SWT1: variants seen among roughly 807,000 people sequenced by gnomAD.
The protein encoded by SWT1 is SWT1 RNA endoribonuclease homolog, also known as transcriptional protein SWT1.
A neutral mutation model predicts 107.3 loss-of-function variants in SWT1; 33 were observed. That is an observed-to-expected ratio of 0.31 (90% confidence interval 0.23 to 0.41). SWT1 has a LOEUF of 0.41. SWT1 is among the 10% of genes least tolerant of loss of function. The pLI is 1.00. For missense variants in SWT1, 898 were observed against 1,028.9 expected, an observed-to-expected ratio of 0.87 and a Z score of 1.74; for synonymous variants, 345 against 348.3, an observed-to-expected ratio of 0.99 and a Z score of 0.11.
At chr1:185,243,290 T>C (rs189758516) in intron 16 of SWT1, among the ~76,000 whole-genome samples, 4 of 152,240 alleles carry the variant, frequency 2.6e-5, no homozygotes, top group Admixed American at 2.6e-4. Flanking sequence ...TTGTACTTTT[T>C]GTAGGGACAG....
At chr1:185,183,764 A>G (rs1656222945) in intron 7 of SWT1, among the ~76,000 whole-genome samples, 1 of 152,224 alleles carries the variant, frequency 6.6e-6, no homozygotes, top group Non-Finnish European at 1.5e-5. Flanking sequence ...ATAGTATTCT[A>G]CTGGTGGGTG....
In SWT1 at chr1:185,239,505, A is replaced by G. The variant is rs78610488; in HGVS notation, c.2441+7797A>G. On this transcript the variant is annotated intron_variant, in intron 16 of 18. Transcript: ENST00000367500. Reference sequence around the variant, plus strand: ...CTAATTTTGCAAAGTTAGAAAAGGGATGAGGATCTTGCAAATTCCTATATT... The same window carrying G: ...CTAATTTTGCAAAGTTAGAAAAGGGGTGAGGATCTTGCAAATTCCTATATT... 5.6e-3 allele frequency among the ~76,000 whole-genome samples: 850 copies of G among 152,192 alleles called. 34 individuals are homozygous for G. In the East Asian group the frequency reaches 0.094, roughly 17 times the overall value.
At chr1:185,163,554 C>T (rs1466118829) in intron 2 of SWT1, among the ~76,000 whole-genome samples, 1 of 152,028 alleles carries the variant, frequency 6.6e-6, no homozygotes, top group African/African-American at 2.4e-5. Flanking sequence ...CCACCATGCC[C>T]AGCTAATTTT....
intron 15 of SWT1, chr1:185,226,759 A>C (rs1222407252): frequency 1.4e-5 from 9 of 662,994 alleles, no homozygotes; most frequent in Non-Finnish European, 2.1e-5. Context: ...GCTGTCCATA[A>C]GTTTATTGTC....
Position 185,182,266 on chromosome 1 carries a change from G to C in SWT1, c.1138+209G>C, listed in dbSNP as rs115660130. ...CATATTTCATATTATTGGATAGTTA[G>C]ATATTTTTCTCTTTTTCTGTCAAGA... On this transcript the variant is annotated intron_variant, in intron 7 of 18. Transcript: ENST00000367500. Among the ~76,000 whole-genome samples the C allele has an allele frequency of 2.0e-3, 310 of 152,254 alleles. 3 individuals carry two copies. Among genetic ancestry groups the C allele is most frequent in the African/African-American group, 7.1e-3 (297 of 41,540 alleles).
Position 185,182,019 on chromosome 1 carries a change from T to C in SWT1, c.1100T>C (p.Met367Thr), listed in dbSNP as rs1207054039. ...SVDLPGELMS[M>T]EIDLEDDVHS... ...GATTTACCTGGAGAGTTAATGAGTA[T>C]GGAAATTGACTTAGAAGATGATGTA... The change falls in exon 7 of 19, where the codon ATG (methionine) becomes ACG (threonine). Residue 367 changes from methionine to threonine, a missense_variant. Met to Thr is a moderately conservative substitution (Grantham distance 81). Transcript: ENST00000367500. 2 of 1,613,706 alleles carry C rather than the reference T, an allele frequency of 1.2e-6. No individual in the cohort carries two copies. The highest frequency in any genetic ancestry group is 2.2e-5 in the East Asian group (1 of 44,820).
intron 9 of SWT1, among the ~76,000 whole-genome samples, chr1:185,187,103 A>C (rs1453617522): frequency 7.6e-6 from 1 of 131,924 alleles, no homozygotes; most frequent in East Asian, 2.3e-4. Flanking sequence ...CCCAGGCTGG[A>C]GTGCAATGGT....
Position 185,181,937 on chromosome 1 carries a change from A to G in SWT1, c.1027-9A>G. 6.2e-7 allele frequency: 1 copy of G among 1,613,510 alleles called. No individual in the cohort carries two copies. Among genetic ancestry groups the G allele is most frequent in the Non-Finnish European group, 8.5e-7 (1 of 1,179,776 alleles). On this transcript the variant is annotated splice_polypyrimidine_tract_variant and intron_variant, in intron 6 of 18. Coordinates refer to ENST00000367500, the MANE Select transcript of SWT1 (RefSeq NM_017673.7). Reference sequence around the variant, plus strand: ...TCAAAATATTTCACTGGGGTCTTTTACACTTTAGATGCAGATAGTAGAAGA... The same window carrying G: ...TCAAAATATTTCACTGGGGTCTTTTGCACTTTAGATGCAGATAGTAGAAGA...
chr1:185,192,192 C>T (rs1029539341), intron 10 of SWT1, among the ~76,000 whole-genome samples: 3 of 152,148 alleles, frequency 2.0e-5, no homozygotes, highest in African/African-American at 7.2e-5. Context: ...TTAATATCTC[C>T]AATCCATATT....
intron 15 of SWT1, among the ~76,000 whole-genome samples, chr1:185,224,283 C>G (rs976364068): frequency 6.6e-6 from 1 of 152,038 alleles, no homozygotes; most frequent in Non-Finnish European, 1.5e-5. Flanking sequence ...TATTCTGTTC[C>G]GTTGGTTTAT....
At chr1:185,282,304 C>G (rs758625969) in intron 18 of SWT1, among the ~76,000 whole-genome samples, 6 of 151,976 alleles carry the variant, frequency 3.9e-5, no homozygotes, top group Non-Finnish European at 7.4e-5. Flanking sequence ...ACGTGTAGTT[C>G]TGGCATTCTT....
intron 16 of SWT1, among the ~76,000 whole-genome samples, chr1:185,248,161 G>A (rs1033435090): frequency 4.6e-5 from 7 of 152,260 alleles, no homozygotes; most frequent in South Asian, 2.1e-4. Context: ...TGTATTTCCC[G>A]TATAGAAAGA....
chr1:185,184,235 TTC>T lies in SWT1; in HGVS notation c.1139-6_1139-5del. On this transcript the variant is annotated splice_region_variant and splice_polypyrimidine_tract_variant and intron_variant, in intron 7 of 18. Transcript: ENST00000367500. Reference sequence around the variant, plus strand: ...AAGTGTCATGAAATATTTGCTCTTTTTCTTTAGCAAATAATACTTCAGACAGA... The same window carrying T: ...AAGTGTCATGAAATATTTGCTCTTTTTTTAGCAAATAATACTTCAGACAGA... 1 of 1,418,536 alleles carries T rather than the reference TTC, an allele frequency of 7.0e-7. No homozygotes were observed. The highest frequency in any genetic ancestry group is 9.7e-7 in the Non-Finnish European group (1 of 1,026,580). The allele number at this position is 1,418,536 out of a possible 1,614,324, so 87.9% of individuals were successfully genotyped here.
intron 14 of SWT1, among the ~76,000 whole-genome samples, chr1:185,219,765 C>T (rs1411655983): frequency 6.6e-6 from 1 of 151,900 alleles, no homozygotes; most frequent in African/African-American, 2.4e-5. Context: ...AGATCTTTTC[C>T]ATTCTTAAAT....
In SWT1 at chr1:185,184,738, T is replaced by G; in HGVS notation, c.1241-5T>G. 7 of 1,599,606 alleles carry G rather than the reference T, an allele frequency of 4.4e-6. No individual in the cohort carries two copies. Among genetic ancestry groups the G allele is most frequent in the South Asian group, 2.3e-5 (2 of 88,660 alleles). On this transcript the variant is annotated splice_polypyrimidine_tract_variant and splice_region_variant and intron_variant, in intron 8 of 18. Transcript: ENST00000367500. The stretch of plus-strand genomic sequence containing the variant: ...TAAATTCTAAGAAATCTTTTTATTT[T>G]TTAGGTTTTGACAAACTTGTGTTAA...
chr1:185,249,951 T>C (rs1170607166), intron 16 of SWT1, among the ~76,000 whole-genome samples: 1 of 152,186 alleles, frequency 6.6e-6, no homozygotes, highest in Non-Finnish European at 1.5e-5. Flanking sequence ...CTTCTCTCTT[T>C]TATTCCAAGT....
Position 185,204,702 on chromosome 1 carries a change from A to G in SWT1, c.1672A>G (p.Thr558Ala), listed in dbSNP as rs148521515. The G allele has an allele frequency of 3.9e-5, 61 of 1,562,904 alleles. 1 individual carries two copies. The African/African-American group carries it at 7.5e-4, about 19-fold the overall frequency. Residue 558 changes from threonine to alanine, a missense_variant and splice_region_variant, in exon 12 of 19, where the codon ACA becomes GCA. By Grantham distance (58) the Thr-to-Ala change is moderately conservative (BLOSUM62 0). Coordinates refer to ENST00000367500, the MANE Select transcript of SWT1 (RefSeq NM_017673.7). ...GTCTGTAACTATTTGTTTTAAAGAA[A>G]CAACACCCTTGAAAGAGAGCTATAA... Reference protein sequence around the residue: ...CIPKQQLKAETTPLKESYKEE... With the variant: ...CIPKQQLKAEATPLKESYKEE...
chr1:185,196,708 G>T (rs936725632), intron 10 of SWT1, among the ~76,000 whole-genome samples: 1 of 152,126 alleles, frequency 6.6e-6, no homozygotes, highest in Admixed American at 6.5e-5. Flanking sequence ...CGCATCCCTT[G>T]TAAGTTGTAT....
At position 185,159,985 on chromosome 1, in the gene SWT1, A is replaced by G. The variant is rs566508392; in HGVS notation, c.-9-848A>G. ...GTGATCCGCCTGTCTCGGCCTCCCAAAGTATTGGGATTACAGTGAGCCGTG... is the reference window on the plus strand; with the variant it reads ...GTGATCCGCCTGTCTCGGCCTCCCAGAGTATTGGGATTACAGTGAGCCGTG... On this transcript the variant is annotated intron_variant, in intron 1 of 18. Transcript: ENST00000367500. Among the ~76,000 whole-genome samples the G allele has an allele frequency of 1.3e-4, 20 of 152,196 alleles. No individual in the cohort carries two copies. The South Asian group carries it at 3.1e-3, about 24-fold the overall frequency.
Sources: gnomAD v4.1 joint callset for allele counts (sites outside exome capture counted in the v4.1 genomes callset) on GRCh38, gnomAD v4.1.1 for gene constraint, MANE v1.5 for transcripts, NCBI Gene and HGNC (gene_info 2026-07-23, HGNC 2026-07-21) for gene names.